The following TLE7 variants were observed in gnomAD, a reference collection of about 807,000 sequenced individuals.
TLE7 encodes the protein transducin-like enhancer protein 7.
At chr16:71,432,571 C>T (rs1007559072) in intron 4 of TLE7, 94 bp downstream of exon 4, 2 of 398,376 alleles carry the variant, frequency 5.0e-6, no homozygotes, top group African/African-American at 2.1e-5. Context: ...CACCCCCCTA[C>T]CTATGGGAGA....
intron 9 of TLE7, 127 bp downstream of exon 9, chr16:71,430,541 A>C (rs753141960): frequency 3.0e-5 from 12 of 397,338 alleles, no homozygotes; most frequent in Non-Finnish European, 5.3e-5. Flanking sequence ...CATTTCCCCT[A>C]CTCTGTAAAA....
At chr16:71,437,256 C>T (rs2042829578) in intron 1 of TLE7, among the ~76,000 whole-genome samples, 1 of 145,668 alleles carries the variant, frequency 6.9e-6, no homozygotes, top group African/African-American at 2.5e-5. Context: ...GGCTGAGGCA[C>T]AAGAATTACT....
intron 1 of TLE7, among the ~76,000 whole-genome samples, chr16:71,437,350 G>GAA (rs57942255): frequency 2.9e-4 from 26 of 89,628 alleles, no homozygotes; most frequent in South Asian, 5.1e-4. Context: ...CTCTGTCTCA[G>GAA]AAAAAAAAAA....
chr16:71,434,834 G>C lies in TLE7; in HGVS notation c.-96-1414C>G, dbSNP rs114596390. 5.4e-3 allele frequency among the ~76,000 whole-genome samples: 819 copies of C among 152,226 alleles called. 15 individuals carry two copies. Among genetic ancestry groups the C allele is most frequent in the African/African-American group, 0.018 (731 of 41,530 alleles). Reference sequence around the variant, plus strand: ...GAAGGCAATATCCGCCATTATTACCGATGCAGTGACCTTTAACCTAGTACT... The same window carrying C: ...GAAGGCAATATCCGCCATTATTACCCATGCAGTGACCTTTAACCTAGTACT... On this transcript the variant is annotated intron_variant, in intron 1 of 9. Transcript: ENST00000561754.
intron 1 of TLE7, among the ~76,000 whole-genome samples, chr16:71,436,707 G>C (rs1567556373): frequency 6.6e-6 from 1 of 152,208 alleles, no homozygotes; most frequent in South Asian, 2.1e-4. Flanking sequence ...GCCAACAGTG[G>C]GTGACTGTGG....
At chr16:71,432,577 GGAGA>G (rs2042810393) in intron 4 of TLE7, 84 bp downstream of exon 4, 1 of 398,492 alleles carries the variant, frequency 2.5e-6, no homozygotes, top group African/African-American at 2.1e-5. Flanking sequence ...CCTACCTATG[GGAGA>G]GAGAGTGAAA....
In TLE7 at chr16:71,431,562, C is replaced by T. The variant is rs1164303694; in HGVS notation, c.852G>A (p.Arg284=). 2 of 400,680 alleles carry T rather than the reference C, an allele frequency of 5.0e-6. No individual in the cohort carries two copies. The highest frequency in any genetic ancestry group is 8.8e-5 in the Admixed American group (2 of 22,726). The allele number at this position is 400,680 out of a possible 1,614,324, so 24.8% of individuals were successfully genotyped here. A position where few individuals can be genotyped will look rare whatever the true frequency, so the allele number is the denominator to read the frequency against. The change falls in exon 7 of 10, where the codon AGG becomes AGA. Residue 284 remains arginine, a splice_region_variant and synonymous_variant. Transcript: ENST00000561754. This position sits in a 1 kb window ranked among gnomAD's most constrained non-coding sequence, Gnocchi z 4.5. ...ACCCGTATACAGGAACTTCGTGCTTCCTGGTGGGTGGGAAAACAACTCAGA... is the reference window on the plus strand; with the variant it reads ...ACCCGTATACAGGAACTTCGTGCTTTCTGGTGGGTGGGAAAACAACTCAGA... The part of the protein sequence containing the change: ...IWDLQNQILI[R]KHEVPVYGSR...
At chr16:71,435,798 C>T (rs2042824138) in intron 1 of TLE7, among the ~76,000 whole-genome samples, 1 of 152,220 alleles carries the variant, frequency 6.6e-6, no homozygotes, top group African/African-American at 2.4e-5. Context: ...TTAACGCACT[C>T]TCCTTGACTT....
chr16:71,438,257 A>T (rs1256686158), intron 1 of TLE7, among the ~76,000 whole-genome samples: 1 of 151,758 alleles, frequency 6.6e-6, no homozygotes, highest in Non-Finnish European at 1.5e-5. Flanking sequence ...ACGTGGTGAA[A>T]CCCGTCTCTA....
At chr16:71,441,586 C>G (rs1427288736) in intron 1 of TLE7, among the ~76,000 whole-genome samples, 2 of 152,232 alleles carry the variant, frequency 1.3e-5, no homozygotes, top group Admixed American at 1.3e-4. Context: ...TTTCCTCCCG[C>G]GCTCCCGGAA....
chr16:71,431,350 C>T lies in TLE7; in HGVS notation c.993+71G>A, dbSNP rs556337211. 9 of 399,498 alleles carry T rather than the reference C, an allele frequency of 2.3e-5. No homozygotes were observed. Among genetic ancestry groups the T allele is most frequent in the African/African-American group, 1.0e-4 (5 of 48,784 alleles). 24.7% of individuals were successfully genotyped at this position (399,498 alleles called of 1,614,324 possible). On this transcript the variant is annotated intron_variant, in intron 7 of 9. Transcript: ENST00000561754. This position sits in a 1 kb window ranked among gnomAD's most constrained non-coding sequence, Gnocchi z 4.5. ...CCTTTGTGCCCACCTCTCAAGCTCA[C>T]ACTCCCACCCCTGCCTCCATGCATG... is the stretch of plus-strand genomic sequence containing the variant.
Position 71,431,021 on chromosome 16 carries a change from G to A in TLE7, c.1147+100C>T, listed in dbSNP as rs1039710143. 6 of 399,728 alleles carry A rather than the reference G, an allele frequency of 1.5e-5. No homozygotes were observed. The highest frequency in any genetic ancestry group is 4.4e-5 in the Admixed American group (1 of 22,700). The allele number at this position is 399,728 out of a possible 1,614,324, so 24.8% of individuals were successfully genotyped here. A position where few individuals can be genotyped will look rare whatever the true frequency, so the allele number is the denominator to read the frequency against. ...CATTCTGTGCAGGATCTCCCATTACGGAGGGAGCCAGAAAAGGAAAGGGGG... is the reference window on the plus strand; with the variant it reads ...CATTCTGTGCAGGATCTCCCATTACAGAGGGAGCCAGAAAAGGAAAGGGGG... On this transcript the variant is annotated intron_variant, in intron 8 of 9. Coordinates refer to ENST00000561754, the MANE Select transcript of TLE7 (RefSeq NM_001367365.2). The surrounding 1 kb of genome is among the most constrained non-coding windows in gnomAD (Gnocchi z 4.5).
intron 1 of TLE7, among the ~76,000 whole-genome samples, chr16:71,439,060 C>A (rs1489395475): frequency 1.3e-5 from 2 of 152,224 alleles, no homozygotes; most frequent in East Asian, 3.8e-4. Flanking sequence ...TTACTGACCC[C>A]CGCTGTGCTG....
In TLE7 at chr16:71,431,807, G is replaced by T; in HGVS notation, c.805C>A (p.His269Asn). 1 of 400,718 alleles carries T rather than the reference G, an allele frequency of 2.5e-6. No individual in the cohort carries two copies. Among genetic ancestry groups the T allele is most frequent in the South Asian group, 1.3e-4 (1 of 7,940 alleles). The allele number at this position is 400,718 out of a possible 1,614,324, so 24.8% of individuals were successfully genotyped here. A position where few individuals can be genotyped will look rare whatever the true frequency, so the allele number is the denominator to read the frequency against. The change falls in exon 6 of 10, where the codon CAT becomes AAT. Residue 269 changes from histidine to asparagine, a missense_variant. By Grantham distance (68) the His-to-Asn change is moderately conservative (BLOSUM62 1). Transcript: ENST00000561754. The surrounding 1 kb of genome is among the most constrained non-coding windows in gnomAD (Gnocchi z 4.5). ...SDAHICLACFHGFVEIWDLQN... is the reference protein window; with the variant it reads ...SDAHICLACFNGFVEIWDLQN... Reference sequence around the variant, plus strand: ...AAATCCCAAATCTCAACAAATCCATGGAAACAAGCCAAACAGATATGGGCA... The same window carrying T: ...AAATCCCAAATCTCAACAAATCCATTGAAACAAGCCAAACAGATATGGGCA...
In TLE7 at chr16:71,432,664, C is replaced by A. The variant is rs2042811513; in HGVS notation, c.393+1G>T. On this transcript the variant is annotated splice_donor_variant, in intron 4 of 9. Transcript: ENST00000561754. LOFTEE classifies it high-confidence loss of function. ...TCCTGAGTATGAAGTTGGACACTTACAATTGCTCTGAGCAATGAGAGGACT... is the reference window on the plus strand; with the variant it reads ...TCCTGAGTATGAAGTTGGACACTTAAAATTGCTCTGAGCAATGAGAGGACT... 1.0e-5 allele frequency: 4 copies of A among 398,708 alleles called. No individual in the cohort carries two copies. Among genetic ancestry groups the A allele is most frequent in the Non-Finnish European group, 1.3e-5 (3 of 226,122 alleles). The allele number at this position is 398,708 out of a possible 1,614,324, so 24.7% of individuals were successfully genotyped here.
chr16:71,438,712 G>C (rs1421918889), intron 1 of TLE7, among the ~76,000 whole-genome samples: 1 of 150,540 alleles, frequency 6.6e-6, no homozygotes, highest in Non-Finnish European at 1.5e-5. Context: ...CGAAAATAGG[G>C]ACAGCCCGAG....
At chr16:71,441,716 C>T (rs1485166155) in intron 1 of TLE7, among the ~76,000 whole-genome samples, 1 of 152,232 alleles carries the variant, frequency 6.6e-6, no homozygotes, top group Non-Finnish European at 1.5e-5. Context: ...GACGCAGGGC[C>T]CCGCTCCCCT....
intron 1 of TLE7, among the ~76,000 whole-genome samples, chr16:71,437,749 C>A (rs1236696984): frequency 1.3e-5 from 2 of 152,192 alleles, no homozygotes; most frequent in Non-Finnish European, 2.9e-5. Flanking sequence ...TGTCTCCTCT[C>A]CTCTGGCTTC....
intron 1 of TLE7, among the ~76,000 whole-genome samples, chr16:71,440,163 C>T (rs903422459): frequency 1.3e-5 from 2 of 152,188 alleles, no homozygotes; most frequent in African/African-American, 2.4e-5. Flanking sequence ...TCCTTAGAGA[C>T]AGAAAGCAGG....
Sources: gnomAD v4.1 joint callset for allele counts (sites outside exome capture counted in the v4.1 genomes callset) on GRCh38, gnomAD v4.1.1 for gene constraint, Gnocchi (gnomAD v3.1) non-coding constraint, MANE v1.5 for transcripts, NCBI Gene and HGNC (gene_info 2026-07-23, HGNC 2026-07-21) for gene names.